Variants in ADAMTS14 observed in about 807,000 individuals in gnomAD.
ADAMTS14 encodes the protein A disintegrin and metalloproteinase with thrombospondin motifs 14.
ADAMTS14 carries 100 observed loss-of-function variants against 128.6 expected under a neutral mutation model. The ratio of observed to expected loss-of-function variants is 0.78; its 90% CI spans 0.66 to 0.92. The LOEUF is 0.92. Among genes scored for constraint, ADAMTS14 ranks in the 40% least tolerant of loss-of-function variants. The pLI, the probability that ADAMTS14 is intolerant of heterozygous loss-of-function variation, is 0.00. For synonymous variants in ADAMTS14, 665 were observed against 653.8 expected (o/e 1.02, Z -0.26); for missense variants, 1,562 against 1,658.6 (o/e 0.94, Z 1.01).
chr10:70,722,817 G>A (rs1417162163), intron 4 of ADAMTS14, among the ~76,000 whole-genome samples: 3 of 152,190 alleles, frequency 2.0e-5, no homozygotes, highest in Admixed American at 2.0e-4. Flanking sequence ...TAACATAAAT[G>A]ATAGAATAAA....
intron 16 of ADAMTS14, among the ~76,000 whole-genome samples, chr10:70,751,257 T>A (rs1223199575): frequency 6.6e-6 from 1 of 152,146 alleles, no homozygotes; most frequent in Non-Finnish European, 1.5e-5. Flanking sequence ...GTGGCTGCCC[T>A]TGGGCCTGGC....
chr10:70,708,779 G>A lies in ADAMTS14; in HGVS notation c.870+1G>A, dbSNP rs776770028. The A allele has an allele frequency of 2.6e-5, 38 of 1,448,318 alleles. No homozygotes were observed. The highest frequency in any genetic ancestry group is 6.4e-5 in the East Asian group (2 of 31,302). The allele number at this position is 1,448,318 out of a possible 1,614,324, so 89.7% of individuals were successfully genotyped here. On this transcript the variant is annotated splice_donor_variant, in intron 4 of 21. Coordinates refer to ENST00000373207, the MANE Select transcript of ADAMTS14 (RefSeq NM_080722.4). LOFTEE classifies it high-confidence loss of function. ...CTATGTCCTCACCCTCATGAATATCGTGAGTGTCCATGTGTCCTAGGACTT... is the reference window on the plus strand; with the variant it reads ...CTATGTCCTCACCCTCATGAATATCATGAGTGTCCATGTGTCCTAGGACTT...
chr10:70,747,823 G>C (rs1564555760), intron 15 of ADAMTS14, among the ~76,000 whole-genome samples: 1 of 152,190 alleles, frequency 6.6e-6, no homozygotes, highest in Non-Finnish European at 1.5e-5. Context: ...TGATTATACA[G>C]GTGTGAGGTG....
chr10:70,741,413 C>A (rs752558102), intron 12 of ADAMTS14, among the ~76,000 whole-genome samples: 1 of 152,204 alleles, frequency 6.6e-6, no homozygotes, highest in Non-Finnish European at 1.5e-5. Flanking sequence ...AGTTTTCTGG[C>A]AGATGCAAGG....
At chr10:70,687,233 G>A (rs1342750404) in intron 2 of ADAMTS14, among the ~76,000 whole-genome samples, 3 of 107,450 alleles carry the variant, frequency 2.8e-5, no homozygotes, top group East Asian at 4.0e-4. Context: ...GGCTGGGCGG[G>A]GGGCTGACCC....
At chr10:70,757,489 C>A in intron 19 of ADAMTS14, among the ~76,000 whole-genome samples, 1 of 152,108 alleles carries the variant, frequency 6.6e-6, no homozygotes, top group South Asian at 2.1e-4. Flanking sequence ...ACAATCCAGG[C>A]CCCTATATCC....
At chr10:70,687,169 A>G (rs79835004) in intron 2 of ADAMTS14, among the ~76,000 whole-genome samples, 894 of 52,520 alleles carry the variant, frequency 0.017, no homozygotes, top group South Asian at 0.026. Context: ...GGACGGGGCC[A>G]CTGGCCGGGC....
chr10:70,734,631 G>C (rs1157007069), intron 8 of ADAMTS14, among the ~76,000 whole-genome samples: 1 of 152,212 alleles, frequency 6.6e-6, no homozygotes, highest in East Asian at 1.9e-4. Flanking sequence ...CTTCAAGGAT[G>C]TTCAGGTACA....
chr10:70,678,339 A>G (rs1021391995), intron 2 of ADAMTS14, among the ~76,000 whole-genome samples: 1 of 152,244 alleles, frequency 6.6e-6, no homozygotes, highest in Non-Finnish European at 1.5e-5. Flanking sequence ...GAAACCCACC[A>G]GTAGTTTCAG....
chr10:70,721,888 G>A (rs1841279501), intron 4 of ADAMTS14, among the ~76,000 whole-genome samples: 1 of 152,166 alleles, frequency 6.6e-6, no homozygotes. Context: ...GGGCTCCACT[G>A]GCATCCTTGG....
intron 3 of ADAMTS14, among the ~76,000 whole-genome samples, chr10:70,707,832 A>G (rs1840713563): frequency 6.6e-6 from 1 of 152,180 alleles, no homozygotes; most frequent in South Asian, 2.1e-4. Context: ...GCTGTCTTGT[A>G]AAGGAAGTTG....
intron 19 of ADAMTS14, among the ~76,000 whole-genome samples, chr10:70,755,836 C>T (rs915279054): frequency 7.2e-5 from 11 of 152,110 alleles, no homozygotes; most frequent in African/African-American, 1.9e-4. Flanking sequence ...GCGACAAGAG[C>T]GAAACTTTGT....
intron 2 of ADAMTS14, among the ~76,000 whole-genome samples, chr10:70,686,398 A>G (rs1225147375): frequency 8.3e-6 from 1 of 120,804 alleles, no homozygotes; most frequent in East Asian, 2.4e-4. Context: ...AAGTGAACAA[A>G]GGTCTCTGGT....
intron 15 of ADAMTS14, among the ~76,000 whole-genome samples, chr10:70,745,937 A>C (rs1015423545): frequency 6.6e-6 from 1 of 152,232 alleles, no homozygotes; most frequent in Middle Eastern, 3.4e-3. Flanking sequence ...TGTTATTCAC[A>C]TTATATCTGT....
rs776770028 is a variant in ADAMTS14 at position 70,708,779 on chromosome 10, G to T, written c.870+1G>T. ...CTATGTCCTCACCCTCATGAATATC[G>T]TGAGTGTCCATGTGTCCTAGGACTT... On this transcript the variant is annotated splice_donor_variant, in intron 4 of 21. Transcript: ENST00000373207. LOFTEE classifies it high-confidence loss of function. The T allele has an allele frequency of 2.8e-6, 4 of 1,448,348 alleles. No homozygotes were observed. The highest frequency in any genetic ancestry group is 1.8e-5 in the Admixed American group (1 of 54,676). 89.7% of individuals were successfully genotyped at this position (1,448,348 alleles called of 1,614,324 possible).
At chr10:70,705,363 G>A (rs538520649) in intron 3 of ADAMTS14, among the ~76,000 whole-genome samples, 1 of 152,356 alleles carries the variant, frequency 6.6e-6, no homozygotes, top group East Asian at 1.9e-4. Flanking sequence ...AATGGGGTAT[G>A]TGCTCCTGCA....
chr10:70,686,296 TA>T (rs1397664257), intron 2 of ADAMTS14, among the ~76,000 whole-genome samples: 5 of 147,834 alleles, frequency 3.4e-5, no homozygotes, highest in East Asian at 2.0e-4. Flanking sequence ...TTTTTTAATT[TA>T]TTTTTTTATT....
intron 18 of ADAMTS14, among the ~76,000 whole-genome samples, chr10:70,752,778 C>T (rs1351549162): frequency 1.3e-5 from 2 of 152,202 alleles, no homozygotes; most frequent in Non-Finnish European, 2.9e-5. Flanking sequence ...CTGCCTGGGT[C>T]TCGTCAGCTT....
chr10:70,740,069 CTGT>C (rs1402533393), intron 11 of ADAMTS14, among the ~76,000 whole-genome samples: 1 of 152,216 alleles, frequency 6.6e-6, no homozygotes, highest in Non-Finnish European at 1.5e-5. Context: ...TATTGAGCTC[CTGT>C]GTAATAACAA....
Sources: gnomAD v4.1 joint callset for allele counts (sites outside exome capture counted in the v4.1 genomes callset) on GRCh38, gnomAD v4.1.1 for gene constraint, MANE v1.5 for transcripts, NCBI Gene and HGNC (gene_info 2026-07-23, HGNC 2026-07-21) for gene names.